Variants in THSD4 observed in about 807,000 individuals in gnomAD.
THSD4 encodes thrombospondin type 1 domain containing 4.
A neutral mutation model predicts 119.0 loss-of-function variants in THSD4; 69 were observed. That is an observed-to-expected ratio of 0.58 (90% CI 0.48 to 0.71). The LOEUF is 0.71. Ranked by LOEUF, THSD4 falls within the 30% of genes least tolerant of loss-of-function variation. The pLI is 0.00. For missense variants in THSD4, 1,393 were observed against 1,391.1 expected (o/e 1.00, Z -0.02); for synonymous variants, 524 against 540.4 (o/e 0.97, Z 0.42).
rs562519141 is a variant in THSD4 at position 71,715,176 on chromosome 15, C to A, written c.1358-13373C>A. Among the ~76,000 whole-genome samples, 13 of 152,326 alleles carry A rather than the reference C, an allele frequency of 8.5e-5. No homozygotes were observed. The South Asian group carries it at 2.1e-3, about 24-fold the overall frequency. Reference sequence around the variant, plus strand: ...CTTGGAGTTCTAATACTCAAAAACACCAAAGTTTGGGTTCATTTGTGTCTC... The same window carrying A: ...CTTGGAGTTCTAATACTCAAAAACAACAAAGTTTGGGTTCATTTGTGTCTC... On this transcript the variant is annotated intron_variant, in intron 8 of 17. Transcript: ENST00000261862.
chr15:71,200,221 G>A (rs894696828), intron 3 of THSD4, among the ~76,000 whole-genome samples: 3 of 152,088 alleles, frequency 2.0e-5, no homozygotes, highest in Non-Finnish European at 4.4e-5. Flanking sequence ...TGTTCACCGA[G>A]TCATTGTTGG....
intron 5 of THSD4, among the ~76,000 whole-genome samples, chr15:71,247,499 G>A (rs181880921): frequency 8.5e-5 from 13 of 152,320 alleles, no homozygotes; most frequent in Non-Finnish European, 1.8e-4. Flanking sequence ...ACGCCACATA[G>A]GTCCTTTCAA....
chr15:71,754,478 C>G (rs2053503704), intron 14 of THSD4, among the ~76,000 whole-genome samples: 1 of 150,458 alleles, frequency 6.6e-6, no homozygotes, highest in African/African-American at 2.5e-5. Flanking sequence ...AACAAACAAA[C>G]AAACAAACAA....
At chr15:71,305,655 C>T (rs1261940648) in intron 6 of THSD4, among the ~76,000 whole-genome samples, 1 of 152,192 alleles carries the variant, frequency 6.6e-6, no homozygotes, top group African/African-American at 2.4e-5. Context: ...ACCTAAGATG[C>T]ACTAAGATGT....
At chr15:71,676,323 C>T (rs1350129723) in intron 8 of THSD4, among the ~76,000 whole-genome samples, 1 of 152,050 alleles carries the variant, frequency 6.6e-6, no homozygotes, top group Non-Finnish European at 1.5e-5. Flanking sequence ...GCTGTGTCGC[C>T]CAGGTTGGAG....
chr15:71,743,186 C>G (rs1015185229), intron 11 of THSD4, among the ~76,000 whole-genome samples: 1 of 152,026 alleles, frequency 6.6e-6, no homozygotes, highest in Non-Finnish European at 1.5e-5. Context: ...CAAGGGAAGA[C>G]AAGCAGTGGC....
intron 5 of THSD4, among the ~76,000 whole-genome samples, chr15:71,245,860 A>G (rs1341044045): frequency 6.6e-6 from 1 of 152,172 alleles, no homozygotes; most frequent in Non-Finnish European, 1.5e-5. Flanking sequence ...GATGCCAGCC[A>G]TGGACCAGCC....
chr15:71,257,287 C>T (rs192134957), intron 6 of THSD4, among the ~76,000 whole-genome samples: 1 of 152,270 alleles, frequency 6.6e-6, no homozygotes, highest in African/African-American at 2.4e-5. Flanking sequence ...AGTCACTTTT[C>T]TTTGTTGAAA....
intron 7 of THSD4, among the ~76,000 whole-genome samples, chr15:71,479,023 C>T (rs943758688): frequency 1.1e-4 from 17 of 151,980 alleles, no homozygotes; most frequent in African/African-American, 4.1e-4. Flanking sequence ...CTGTGGGCCC[C>T]CAGTAGTGCA....
chr15:71,450,321 G>A (rs1177950141), intron 7 of THSD4, among the ~76,000 whole-genome samples: 5 of 152,056 alleles, frequency 3.3e-5, no homozygotes, highest in Non-Finnish European at 7.3e-5. Context: ...GCCCAGGTGA[G>A]AATAATGCAG....
intron 7 of THSD4, among the ~76,000 whole-genome samples, chr15:71,480,039 CCTTT>C (rs1312623345): frequency 1.3e-5 from 2 of 152,040 alleles, no homozygotes; most frequent in Non-Finnish European, 2.9e-5. Context: ...TCCTTTCCTT[CCTTT>C]CTTTCTTTCC....
At chr15:71,299,999 A>G (rs1045732600) in intron 6 of THSD4, among the ~76,000 whole-genome samples, 5 of 140,472 alleles carry the variant, frequency 3.6e-5, no homozygotes, top group Admixed American at 7.1e-5. Flanking sequence ...ATATATATAT[A>G]TATTAGCCAT....
chr15:71,727,623 A>ACACACACACACACACAC (rs2052885714), intron 8 of THSD4, among the ~76,000 whole-genome samples: 2 of 129,794 alleles, frequency 1.5e-5, no homozygotes, highest in African/African-American at 6.3e-5. Flanking sequence ...CACACACACA[A>ACACACACACACACACAC]GCCAGGCATG....
chr15:71,693,151 G>A (rs1241092630), intron 8 of THSD4, among the ~76,000 whole-genome samples: 1 of 152,134 alleles, frequency 6.6e-6, no homozygotes. Flanking sequence ...CTATGGGAAA[G>A]GAAAATCAGG....
At chr15:71,377,914 A>ACACACACACCCACACACCCACACACCT (rs57687864) in intron 6 of THSD4, among the ~76,000 whole-genome samples, 1 of 146,148 alleles carries the variant, frequency 6.8e-6, no homozygotes, top group South Asian at 2.3e-4. Flanking sequence ...ACACACACAC[A>ACACACACACCCACACACCCACACACCT]ATTTCCTTCA....
intron 7 of THSD4, among the ~76,000 whole-genome samples, chr15:71,527,054 G>A (rs1214484828): frequency 6.6e-6 from 1 of 152,116 alleles, no homozygotes; most frequent in African/African-American, 2.4e-5. Flanking sequence ...AGGTCATGAA[G>A]ACTCCTCCCT....
intron 6 of THSD4, among the ~76,000 whole-genome samples, chr15:71,389,181 T>G (rs928382939): frequency 6.6e-6 from 1 of 152,192 alleles, no homozygotes; most frequent in African/African-American, 2.4e-5. Flanking sequence ...CATTTTTAAG[T>G]GTACAGTAGT....
In THSD4 at chr15:71,442,727, G is replaced by A. The variant is rs1595772560; in HGVS notation, c.1152+30904G>A. Among the ~76,000 whole-genome samples, 4 of 125,060 alleles carry A rather than the reference G, an allele frequency of 3.2e-5. No individual in the cohort carries two copies. The South Asian group carries it at 1.2e-3, about 37-fold the overall frequency. 82.0% of individuals were successfully genotyped at this position (125,060 alleles called of 152,430 possible). A position where few individuals can be genotyped will look rare whatever the true frequency, so the allele number is the denominator to read the frequency against. ...ATGAAGGGAGGAGATGAAAGCAGAA[G>A]TTTCAAAACAGGACAAACAAAACTC... On this transcript the variant is annotated intron_variant, in intron 7 of 17. Transcript: ENST00000261862.
chr15:71,299,260 A>C (rs2044911533), intron 6 of THSD4, among the ~76,000 whole-genome samples: 3 of 152,252 alleles, frequency 2.0e-5, no homozygotes, highest in Admixed American at 2.0e-4. Context: ...GGATGCTTCG[A>C]TATTCAACTA....
Sources: gnomAD v4.1 joint callset for allele counts (sites outside exome capture counted in the v4.1 genomes callset) on GRCh38, gnomAD v4.1.1 for gene constraint, MANE v1.5 for transcripts, NCBI Gene and HGNC (gene_info 2026-07-23, HGNC 2026-07-21) for gene names.